Variants in SPAG17 observed in about 807,000 individuals in gnomAD.
SPAG17 encodes the protein sperm-associated antigen 17.
A neutral mutation model predicts 273.6 loss-of-function variants in SPAG17; 169 were observed. That is an observed-to-expected ratio of 0.62 (90% CI 0.55 to 0.70). The LOEUF (loss-of-function observed/expected upper bound fraction) is 0.70, where lower values mean the gene tolerates loss of function less well. SPAG17 is among the 30% of genes least tolerant of loss of function. The probability of loss-of-function intolerance (pLI) is 0.00; values close to 1 mark genes in which losing one functional copy is unlikely to be tolerated. For synonymous variants in SPAG17, 825 were observed against 873.2 expected (o/e 0.94, Z 0.97); for missense variants, 2,557 against 2,627.8 (o/e 0.97, Z 0.59).
intron 3 of SPAG17, among the ~76,000 whole-genome samples, chr1:118,128,074 A>T (rs1330893663): frequency 1.3e-5 from 2 of 151,748 alleles, no homozygotes; most frequent in African/African-American, 4.8e-5. Context: ...GTGGGCCAAG[A>T]CCGCACCGCT....
chr1:118,032,818 T>C (rs1648634155), intron 24 of SPAG17, among the ~76,000 whole-genome samples: 1 of 152,104 alleles, frequency 6.6e-6, no homozygotes, highest in Non-Finnish European at 1.5e-5. Flanking sequence ...GGTCTCGAAC[T>C]CCTGACCTCA....
chr1:118,150,188 G>C (rs1251638799), intron 3 of SPAG17, among the ~76,000 whole-genome samples: 1 of 152,054 alleles, frequency 6.6e-6, no homozygotes, highest in Non-Finnish European at 1.5e-5. Context: ...GTAATATACT[G>C]ATCATATGAC....
chr1:118,101,973 C>G, intron 4 of SPAG17, 47 bp from the exon 5 acceptor site: 1 of 1,509,190 alleles, frequency 6.6e-7, no homozygotes, highest in African/African-American at 1.4e-5. Flanking sequence ...AGTGAGCAAG[C>G]AATGGCTTTT....
At position 118,055,815 on chromosome 1, in the gene SPAG17, G is replaced by T. The variant is rs1471709264; in HGVS notation, c.2640C>A (p.Thr880=). The change falls in exon 19 of 49, where the codon ACC becomes ACA. Residue 880 remains threonine (T), a synonymous_variant. Coordinates refer to ENST00000336338, the MANE Select transcript of SPAG17 (RefSeq NM_206996.4). ...ESKMNEKIIR[T]RAELELKSSA... is the part of the protein sequence containing the mutation. The stretch of plus-strand genomic sequence containing the variant: ...AAGATTTCAATTCCAGCTCAGCTCT[G>T]GTCCTGATGATTTTCTCATTCATTT... The T allele has an allele frequency of 1.2e-5, 19 of 1,612,910 alleles. No individual in the cohort carries two copies. Among genetic ancestry groups the T allele is most frequent in the Non-Finnish European group, 1.5e-5 (18 of 1,179,552 alleles).
At chr1:118,151,072 G>A (rs902261264) in intron 2 of SPAG17, among the ~76,000 whole-genome samples, 157 bp downstream of exon 2, 2 of 152,152 alleles carry the variant, frequency 1.3e-5, no homozygotes, top group African/African-American at 4.8e-5. Context: ...CTTCCAGATT[G>A]AACAACTCAA....
At chr1:118,140,912 T>C (rs1177738561) in intron 3 of SPAG17, among the ~76,000 whole-genome samples, 2 of 152,210 alleles carry the variant, frequency 1.3e-5, no homozygotes, top group Non-Finnish European at 2.9e-5. Context: ...GCTTCTCCTG[T>C]CTCCCACTCT....
intron 20 of SPAG17, among the ~76,000 whole-genome samples, chr1:118,049,908 G>A (rs760599421): frequency 6.6e-6 from 1 of 152,170 alleles, no homozygotes. Context: ...GCCAGGGAAG[G>A]AGGCATCTCC....
At chr1:118,146,892 G>T (rs549839619) in intron 3 of SPAG17, among the ~76,000 whole-genome samples, 308 of 152,230 alleles carry the variant, frequency 2.0e-3, no homozygotes, top group African/African-American at 7.1e-3. Flanking sequence ...ATATGTAAAA[G>T]ATCAAAACTA....
chr1:117,983,929 A>C lies in SPAG17; in HGVS notation c.5770-16T>G. 6.9e-7 allele frequency: 1 copy of C among 1,454,600 alleles called. No homozygotes were observed. The highest frequency in any genetic ancestry group is 1.7e-5 in the Admixed American group (1 of 57,242). 90.1% of individuals were successfully genotyped at this position (1,454,600 alleles called of 1,614,324 possible). On this transcript the variant is annotated splice_polypyrimidine_tract_variant and intron_variant, in intron 41 of 48. Transcript: ENST00000336338. ...GGTGATTATACTGAAAGGAAAAAAA[A>C]ACTTATTTTAGACTTATACATGGCT...
rs1422790946 is a variant in SPAG17, at chr1:118,099,797, T to C, written c.638A>G (p.Asp213Gly). 1 of 1,611,734 alleles carries C rather than the reference T, an allele frequency of 6.2e-7. No homozygotes were observed. Among genetic ancestry groups the C allele is most frequent in the Admixed American group, 1.7e-5 (1 of 59,938 alleles). ...ATGTTGGGCACCATCATCTGGCTCA[T>C]CGTCTGTTCAAAATACCATAAAGAA... ...EDDHTNRYIDDEPDDGAQHYI... is the reference protein window; with the variant it reads ...EDDHTNRYIDGEPDDGAQHYI... The change falls in exon 6 of 49, where the codon GAT (aspartate) becomes GGT (glycine). Residue 213 changes from aspartate (D) to glycine (G), a missense_variant. Asp to Gly is a moderately conservative substitution (Grantham distance 94). Transcript: ENST00000336338.
chr1:118,144,786 G>T (rs1293255873), intron 3 of SPAG17, among the ~76,000 whole-genome samples: 2 of 152,196 alleles, frequency 1.3e-5, no homozygotes, highest in Non-Finnish European at 2.9e-5. Flanking sequence ...TAGCTTCAAA[G>T]AATTTCAACA....
In SPAG17 at chr1:117,992,590, G is replaced by A; in HGVS notation, c.5237C>T (p.Ser1746Phe). The A allele has an allele frequency of 6.2e-7, 1 of 1,613,484 alleles. No individual in the cohort carries two copies. Among genetic ancestry groups the A allele is most frequent in the Non-Finnish European group, 8.5e-7 (1 of 1,179,766 alleles). Residue 1746 changes from serine to phenylalanine, a missense_variant, in exon 36 of 49, where the codon TCC (serine) becomes TTC (phenylalanine). Coordinates refer to ENST00000336338, the MANE Select transcript of SPAG17 (RefSeq NM_206996.4). Reference sequence around the variant, plus strand: ...ACCCGGGGCACTCACTAGCTGTTTGGACTCAATGCAAAGGCCTTTCCAAAT... The same window carrying A: ...ACCCGGGGCACTCACTAGCTGTTTGAACTCAATGCAAAGGCCTTTCCAAAT... ...TQIWKGLCIESKQLVSAPGAI... is the reference protein window; with the variant it reads ...TQIWKGLCIEFKQLVSAPGAI...
rs1020746557 is a variant in SPAG17 at position 118,004,932 on chromosome 1, A to G, written c.4776+482T>C. On this transcript the variant is annotated intron_variant, in intron 32 of 48. Transcript: ENST00000336338. Reference sequence around the variant, plus strand: ...GGAGCTGCAGATTGGAGCTGTTCCTATTCAGCCATCTTCAGGATTGTGTTC... The same window carrying G: ...GGAGCTGCAGATTGGAGCTGTTCCTGTTCAGCCATCTTCAGGATTGTGTTC... Among the ~76,000 whole-genome samples, 5 of 152,138 alleles carry G rather than the reference A, an allele frequency of 3.3e-5. No homozygotes were observed. In the East Asian group the frequency reaches 9.6e-4, roughly 29 times the overall value.
intron 29 of SPAG17, among the ~76,000 whole-genome samples, chr1:118,015,270 T>TCAA (rs1659851549): frequency 7.8e-6 from 1 of 127,926 alleles, no homozygotes; most frequent in Non-Finnish European, 1.6e-5. Context: ...AACCTCTGTG[T>TCAA]CAAAAAAAAA....
Position 117,994,529 on chromosome 1 carries a change from GC to G in SPAG17, c.5054del (p.Gly1685AlafsTer3). On this transcript the variant is annotated frameshift_variant and splice_region_variant, in exon 35 of 49. Transcript: ENST00000336338. LOFTEE classifies it high-confidence loss of function. ...GGCGAAGGACTGTGATGGTTAGGGT[GC>G]CTGGTTCAAAGAAAGTTGTCAGAAG... is the stretch of plus-strand genomic sequence containing the variant. ...VLQEPVQEQP[G>X]TLTITVLRPF... The G allele has an allele frequency of 6.2e-7, 1 of 1,603,778 alleles. No individual in the cohort carries two copies. Among genetic ancestry groups the G allele is most frequent in the Non-Finnish European group, 8.5e-7 (1 of 1,176,324 alleles).
At chr1:117,976,628 T>G (rs777645590) in intron 43 of SPAG17, among the ~76,000 whole-genome samples, 1 of 152,160 alleles carries the variant, frequency 6.6e-6, no homozygotes, top group African/African-American at 2.4e-5. Flanking sequence ...TGGTGGCTCC[T>G]TGGCTCCCAC....
chr1:118,062,324 G>A (rs551917909), intron 18 of SPAG17, among the ~76,000 whole-genome samples: 21 of 119,232 alleles, frequency 1.8e-4, no homozygotes, highest in African/African-American at 5.7e-4. Context: ...CCGAGATCCC[G>A]CCACTGCACT....
At chr1:118,032,272 C>G (rs1168713467) in intron 24 of SPAG17, among the ~76,000 whole-genome samples, 1 of 151,836 alleles carries the variant, frequency 6.6e-6, no homozygotes, top group Non-Finnish European at 1.5e-5. Flanking sequence ...TCAAAATAGT[C>G]TAAATAAGAT....
chr1:118,085,835 C>G (rs1654951036), intron 13 of SPAG17, 87 bp downstream of exon 13: 1 of 1,329,624 alleles, frequency 7.5e-7, no homozygotes, highest in South Asian at 1.5e-5. Context: ...AATGAAAATA[C>G]TTTTTGTAAA....
Sources: gnomAD v4.1 joint callset for allele counts (sites outside exome capture counted in the v4.1 genomes callset) on GRCh38, gnomAD v4.1.1 for gene constraint, MANE v1.5 for transcripts, NCBI Gene and HGNC (gene_info 2026-07-23, HGNC 2026-07-21) for gene names.